The following ZFHX4 variants were observed in gnomAD, a reference collection of about 807,000 sequenced individuals.
The protein encoded by ZFHX4 is zinc finger homeobox protein 4.
ZFHX4 carries 56 observed loss-of-function variants against 267.6 expected under a neutral mutation model. The observed-to-expected ratio is 0.21, with a 90% confidence interval of 0.17 to 0.26. The LOEUF (loss-of-function observed/expected upper bound fraction) is 0.26, where lower values mean the gene tolerates loss of function less well. ZFHX4 is among the 10% of genes least tolerant of loss of function. ZFHX4 has a pLI of 1.00. For missense variants in ZFHX4, 4,332 were observed against 4,420.0 expected (o/e 0.98, Z 0.56); for synonymous variants, 1,778 against 1,665.6 (o/e 1.07, Z -1.64).
At position 76,770,698 on chromosome 8, in the gene ZFHX4, T is replaced by C. The variant is rs138623356; in HGVS notation, c.3094-7510T>C. On this transcript the variant is annotated intron_variant, in intron 3 of 10. Transcript: ENST00000651372. ...ACACAAAGTACAACAAGGAAAAAAA[T>C]GTCATATTTCTAAAGAAAAAGGAAA... Among the ~76,000 whole-genome samples, 646 of 151,994 alleles carry C rather than the reference T, an allele frequency of 4.3e-3. 2 individuals carry two copies. The highest frequency in any genetic ancestry group is 7.1e-3 in the Non-Finnish European group (481 of 67,980).
At chr8:76,857,568 G>A (rs1400392782) in intron 10 of ZFHX4, among the ~76,000 whole-genome samples, 2 of 151,926 alleles carry the variant, frequency 1.3e-5, no homozygotes, top group East Asian at 3.9e-4. Flanking sequence ...TGGCCCCTCA[G>A]CCACCGCTAG....
rs142588671 is a variant in ZFHX4, at chr8:76,825,676, T to C, written c.3326-7662T>C. On this transcript the variant is annotated intron_variant, in intron 4 of 10. Coordinates refer to ENST00000651372, the MANE Select transcript of ZFHX4 (RefSeq NM_024721.5). ...GATTCTTCACAGCAAGAGTGAATGA[T>C]GGTTTCATGGATAATGTCTCCAAAG... is the stretch of plus-strand genomic sequence containing the variant. Among the ~76,000 whole-genome samples, 171 of 152,364 alleles carry C rather than the reference T, an allele frequency of 1.1e-3. 3 individuals carry two copies. The highest frequency in any genetic ancestry group is 0.011 in the East Asian group (57 of 5,182).
At chr8:76,832,005 G>GC (rs937153055) in intron 4 of ZFHX4, among the ~76,000 whole-genome samples, 1 of 148,106 alleles carries the variant, frequency 6.8e-6, no homozygotes, top group South Asian at 2.2e-4. Flanking sequence ...TTTTTAGTGG[G>GC]GGGGGGCACT....
chr8:76,818,383 G>T (rs1215373636), intron 4 of ZFHX4, among the ~76,000 whole-genome samples: 1 of 152,148 alleles, frequency 6.6e-6, no homozygotes, highest in Non-Finnish European at 1.5e-5. Flanking sequence ...TTAGGAGAAA[G>T]CAATAAAAAT....
intron 4 of ZFHX4, among the ~76,000 whole-genome samples, chr8:76,794,919 C>T (rs535974642): frequency 4.0e-5 from 6 of 148,338 alleles, no homozygotes; most frequent in South Asian, 4.3e-4. Flanking sequence ...GTGGACAAAT[C>T]AAGCCTCTTC....
intron 1 of ZFHX4, among the ~76,000 whole-genome samples, chr8:76,703,424 G>A (rs1212573984): frequency 6.6e-6 from 1 of 152,132 alleles, no homozygotes; most frequent in Non-Finnish European, 1.5e-5. Flanking sequence ...GCTTAATCAG[G>A]GCCAGCCAGA....
Position 76,704,813 on chromosome 8 carries a change from C to A in ZFHX4, c.725C>A (p.Thr242Asn). ...LRHKREKDYL[T>N]SDGSAKNSCV... Reference sequence around the variant, plus strand: ...CACAAGAGAGAGAAAGACTATCTAACCAGTGATGGCTCAGCCAAAAACTCC... The same window carrying A: ...CACAAGAGAGAGAAAGACTATCTAAACAGTGATGGCTCAGCCAAAAACTCC... Residue 242 changes from threonine to asparagine, a missense_variant, in exon 2 of 11, where the codon ACC (threonine) becomes AAC (asparagine). By Grantham distance (65) the Thr-to-Asn change is moderately conservative. Transcript: ENST00000651372. 1 of 1,614,144 alleles carries A rather than the reference C, an allele frequency of 6.2e-7. No individual in the cohort carries two copies. The highest frequency in any genetic ancestry group is 1.7e-5 in the Admixed American group (1 of 60,034).
At chr8:76,681,788 G>T (rs1196523737) in intron 1 of ZFHX4, among the ~76,000 whole-genome samples, 168 bp downstream of exon 1, 1 of 151,608 alleles carries the variant, frequency 6.6e-6, no homozygotes, top group Non-Finnish European at 1.5e-5. Context: ...GCTCGCTGTC[G>T]CACACATCCC....
chr8:76,704,631 T>C lies in ZFHX4; in HGVS notation c.543T>C (p.Ala181=). 1 of 1,614,074 alleles carries C rather than the reference T, an allele frequency of 6.2e-7. No individual in the cohort carries two copies. Among genetic ancestry groups the C allele is most frequent in the Non-Finnish European group, 8.5e-7 (1 of 1,179,908 alleles). Residue 181 remains alanine, a synonymous_variant, in exon 2 of 11, where the codon GCT becomes GCC. Transcript: ENST00000651372. Reference sequence around the variant, plus strand: ...CTGGAGAGAAGAGTGATCAGTCTGCTTCTGCACCTATGTCGTTCTACCCAC... The same window carrying C: ...CTGGAGAGAAGAGTGATCAGTCTGCCTCTGCACCTATGTCGTTCTACCCAC... ...ASAGEKSDQS[A]SAPMSFYPQI...
chr8:76,850,910 G>T lies in ZFHX4; in HGVS notation c.3989G>T (p.Ser1330Ile). Reference protein sequence around the residue: ...YSGESPMDDKSMAGLEDSKAN... With the variant: ...YSGESPMDDKIMAGLEDSKAN... ...GGTGAAAGTCCAATGGATGACAAAA[G>T]CATGGCAGGTCTCGAGGATTCAAAG... Residue 1330 changes from serine (S) to isoleucine (I), a missense_variant, in exon 10 of 11, where the codon AGC becomes ATC. Physicochemically the swap from Ser to Ile is moderately radical, Grantham distance 142. This residue lies in a region of ZFHX4 where 1,371 missense variants were observed against 1,423.1 expected (regional missense o/e 0.96). Transcript: ENST00000651372. 2 of 1,609,460 alleles carry T rather than the reference G, an allele frequency of 1.2e-6. No individual in the cohort carries two copies. The highest frequency in any genetic ancestry group is 1.7e-6 in the Non-Finnish European group (2 of 1,177,892).
intron 3 of ZFHX4, among the ~76,000 whole-genome samples, chr8:76,775,207 A>G (rs569139337): frequency 6.6e-6 from 1 of 152,322 alleles, no homozygotes; most frequent in South Asian, 2.1e-4. Flanking sequence ...AGAAGAATGT[A>G]TTATTGCCAC....
At chr8:76,803,421 GA>G (rs1395116684) in intron 4 of ZFHX4, among the ~76,000 whole-genome samples, 7 of 151,936 alleles carry the variant, frequency 4.6e-5, no homozygotes, top group African/African-American at 1.7e-4. Context: ...ATATAATTAA[GA>G]AAAGTAACTA....
Position 76,705,660 on chromosome 8 carries a change from C to T in ZFHX4, c.1572C>T (p.Ser524=), listed in dbSNP as rs753458106. 12 of 1,613,950 alleles carry T rather than the reference C, an allele frequency of 7.4e-6. No homozygotes were observed. In the East Asian group the frequency reaches 2.7e-4, roughly 36 times the overall value. The change falls in exon 2 of 11, where the codon TCC becomes TCT. Residue 524 remains serine, a synonymous_variant. Transcript: ENST00000651372. ...AATTTATTGAAAAGGGTACCTCGTC[C>T]TCCTCGGCGACTGTTTCTGATGACA... ...VLKFIEKGTS[S]SSATVSDDTE... is the part of the protein sequence containing the mutation.
chr8:76,834,320 C>T, intron 5 of ZFHX4: 1 of 259,110 alleles, frequency 3.9e-6, no homozygotes, highest in Non-Finnish European at 7.9e-6. Flanking sequence ...AACTGTCTTC[C>T]AAAGTGGTTG....
chr8:76,784,985 C>G (rs1810650424), intron 4 of ZFHX4, among the ~76,000 whole-genome samples: 1 of 151,954 alleles, frequency 6.6e-6, no homozygotes. Context: ...TTAATTAGAT[C>G]TCTTCATTTC....
intron 3 of ZFHX4, among the ~76,000 whole-genome samples, chr8:76,740,520 G>A (rs73690872): frequency 0.013 from 2,015 of 152,160 alleles, 44 homozygotes; most frequent in African/African-American, 0.046. Flanking sequence ...GGGATGGATT[G>A]GTTTGAGAAA....
intron 3 of ZFHX4, among the ~76,000 whole-genome samples, chr8:76,755,717 T>A (rs1009696950): frequency 6.6e-6 from 1 of 152,168 alleles, no homozygotes; most frequent in African/African-American, 2.4e-5. Context: ...TGTCTGATCT[T>A]TTTCATTATT....
At position 76,704,601 on chromosome 8, in the gene ZFHX4, A is replaced by G; in HGVS notation, c.513A>G (p.Ala171=). The change falls in exon 2 of 11, where the codon GCA becomes GCG. Residue 171 remains alanine, a synonymous_variant. Transcript: ENST00000651372. Reference sequence around the variant, plus strand: ...CAGCGATGTTCCTGGACTCCCTGGCATCTGCTGGAGAGAAGAGTGATCAGT... The same window carrying G: ...CAGCGATGTTCCTGGACTCCCTGGCGTCTGCTGGAGAGAAGAGTGATCAGT... ...FSTAMFLDSL[A]SAGEKSDQSA... is the part of the protein sequence containing the mutation. 3 of 1,614,026 alleles carry G rather than the reference A, an allele frequency of 1.9e-6. No individual in the cohort carries two copies. The highest frequency in any genetic ancestry group is 2.5e-6 in the Non-Finnish European group (3 of 1,179,900).
chr8:76,709,261 A>G (rs1808359859), intron 3 of ZFHX4, among the ~76,000 whole-genome samples: 1 of 152,210 alleles, frequency 6.6e-6, no homozygotes, highest in Non-Finnish European at 1.5e-5. Flanking sequence ...ACTCAGTGTG[A>G]GAATTTGTAG....
Sources: allele counts gnomAD v4.1 joint callset (sites outside exome capture counted in the v4.1 genomes callset), GRCh38; gene constraint gnomAD v4.1.1; regional missense constraint gnomAD v4.1.1; transcripts MANE v1.5; gene names NCBI Gene and HGNC (gene_info 2026-07-23, HGNC 2026-07-21).